Variants in DPYD observed in about 807,000 individuals in gnomAD.
DPYD encodes the protein dihydropyrimidine dehydrogenase [NADP(+)].
Under a neutral mutation model 116.2 loss-of-function variants are expected in DPYD, and 109 were observed. That is an observed-to-expected ratio of 0.94 (90% CI 0.80 to 1.10). The LOEUF (loss-of-function observed/expected upper bound fraction) is 1.10, where lower values mean the gene tolerates loss of function less well. DPYD is among the 50% of genes least tolerant of loss of function. The pLI, the probability that DPYD is intolerant of heterozygous loss-of-function variation, is 0.00. For missense variants in DPYD, 1,302 were observed against 1,254.5 expected, an observed-to-expected ratio of 1.04 and a Z score of -0.57; for synonymous variants, 440 against 432.0, an observed-to-expected ratio of 1.02 and a Z score of -0.23.
At position 97,284,165 on chromosome 1, in the gene DPYD, T is replaced by C. The variant is rs77486688; in HGVS notation, c.2299+21094A>G. Among the ~76,000 whole-genome samples the C allele has an allele frequency of 7.5e-3, 1,144 of 152,242 alleles. 13 individuals are homozygous for C. Among genetic ancestry groups the C allele is most frequent in the African/African-American group, 0.026 (1,100 of 41,544 alleles). On this transcript the variant is annotated intron_variant, in intron 18 of 22. Transcript: ENST00000370192. ...GAATGATACGTCACTTCTTTCATGTTACATGTGTCACACATAACTTTCACA... is the reference window on the plus strand; with the variant it reads ...GAATGATACGTCACTTCTTTCATGTCACATGTGTCACACATAACTTTCACA...
At chr1:97,625,528 C>T (rs995073646) in intron 8 of DPYD, among the ~76,000 whole-genome samples, 22 of 151,966 alleles carry the variant, frequency 1.4e-4, no homozygotes, top group African/African-American at 3.9e-4. Context: ...CCTGACAATG[C>T]ATCTGTATTT....
chr1:97,374,784 T>A (rs967479496), intron 15 of DPYD, among the ~76,000 whole-genome samples: 20 of 142,094 alleles, frequency 1.4e-4, no homozygotes, highest in Non-Finnish European at 1.9e-4. Context: ...GGCTCACAAC[T>A]GTAATCCTAG....
At chr1:97,414,287 C>G (rs1674170187) in intron 14 of DPYD, among the ~76,000 whole-genome samples, 1 of 152,042 alleles carries the variant, frequency 6.6e-6, no homozygotes, top group South Asian at 2.1e-4. Context: ...TGGTTATCAG[C>G]CTTGGTTGAG....
At chr1:97,289,856 T>A (rs151211747) in intron 18 of DPYD, among the ~76,000 whole-genome samples, 1 of 148,596 alleles carries the variant, frequency 6.7e-6, no homozygotes, top group Non-Finnish European at 1.5e-5. Context: ...GGCAGGAGAA[T>A]GAAATAAAGG....
chr1:97,498,823 T>G lies in DPYD; in HGVS notation c.1740+16903A>C, dbSNP rs1427838904. Among the ~76,000 whole-genome samples the G allele has an allele frequency of 2.6e-5, 4 of 151,674 alleles. No individual in the cohort carries two copies. In the East Asian group the frequency reaches 7.7e-4, roughly 29 times the overall value. ...TTTTTGTGATTAGAACATTAGAAAT[T>G]TATTCTTAGTGATAATGAACATACA... On this transcript the variant is annotated intron_variant, in intron 13 of 22. Coordinates refer to ENST00000370192, the MANE Select transcript of DPYD (RefSeq NM_000110.4).
At chr1:97,324,846 A>C (rs1035844744) in intron 16 of DPYD, among the ~76,000 whole-genome samples, 1 of 152,124 alleles carries the variant, frequency 6.6e-6, no homozygotes, top group Non-Finnish European at 1.5e-5. Context: ...GATTTCTACA[A>C]GATGGATATG....
intron 3 of DPYD, among the ~76,000 whole-genome samples, chr1:97,769,724 A>G (rs1303635374): frequency 6.6e-6 from 1 of 152,216 alleles, no homozygotes; most frequent in African/African-American, 2.4e-5. Context: ...AAAAATTTGC[A>G]AACATTATCT....
intron 16 of DPYD, among the ~76,000 whole-genome samples, chr1:97,333,997 G>A (rs1669162272): frequency 6.6e-6 from 1 of 152,146 alleles, no homozygotes; most frequent in Non-Finnish European, 1.5e-5. Flanking sequence ...TACGTTAATA[G>A]CATTATAAAC....
At chr1:97,736,884 G>GTA (rs1663981762) in intron 4 of DPYD, among the ~76,000 whole-genome samples, 1 of 150,508 alleles carries the variant, frequency 6.6e-6, no homozygotes, top group Admixed American at 6.6e-5. Flanking sequence ...GTGTGTGTGT[G>GTA]TGTAGGGCTT....
At chr1:97,491,446 T>C (rs922098472) in intron 13 of DPYD, among the ~76,000 whole-genome samples, 8 of 151,944 alleles carry the variant, frequency 5.3e-5, no homozygotes, top group African/African-American at 1.9e-4. Context: ...TTGTATATAC[T>C]ACGTAACCAT....
intron 16 of DPYD, among the ~76,000 whole-genome samples, chr1:97,326,999 C>A (rs1312268249): frequency 6.6e-6 from 1 of 151,946 alleles, no homozygotes. Context: ...TAAAATAAAT[C>A]AATTGTGGTT....
intron 5 of DPYD, among the ~76,000 whole-genome samples, chr1:97,705,761 G>A (rs1287140204): frequency 1.3e-5 from 2 of 152,092 alleles, no homozygotes. Context: ...CAGTGTAAAA[G>A]TGTTCCTATT....
rs532220724 is a variant in DPYD, at chr1:97,331,443, G to A, written c.2059-25146C>T. Among the ~76,000 whole-genome samples, 536 of 152,226 alleles carry A rather than the reference G, an allele frequency of 3.5e-3. 1 individual carries two copies. Among genetic ancestry groups the A allele is most frequent in the Non-Finnish European group, 5.0e-3 (337 of 68,014 alleles). On this transcript the variant is annotated intron_variant, in intron 16 of 22. Coordinates refer to ENST00000370192, the MANE Select transcript of DPYD (RefSeq NM_000110.4). ...TACAGTAAGCTATGGCTGTGCGACT[G>A]TACTACATCCTGGATGACAGAGCAA...
Position 97,326,412 on chromosome 1 carries a change from T to C in DPYD, c.2059-20115A>G, listed in dbSNP as rs79682211. On this transcript the variant is annotated intron_variant, in intron 16 of 22. Transcript: ENST00000370192. ...TTTGGAAACATAGATTTGAGAGTCA[T>C]TGGCATAACTCTCAAATTAAACTCT... Among the ~76,000 whole-genome samples, 759 of 152,024 alleles carry C rather than the reference T, an allele frequency of 5.0e-3. 11 individuals carry two copies. The highest frequency in any genetic ancestry group is 0.017 in the African/African-American group (708 of 41,526).
chr1:97,713,290 A>T (rs1662399631), intron 5 of DPYD, among the ~76,000 whole-genome samples: 2 of 152,106 alleles, frequency 1.3e-5, no homozygotes, highest in Admixed American at 1.3e-4. Flanking sequence ...TTGGCAACGA[A>T]ATAGTATAAA....
chr1:97,414,313 C>T (rs1467057065), intron 14 of DPYD, among the ~76,000 whole-genome samples: 1 of 152,148 alleles, frequency 6.6e-6, no homozygotes, highest in East Asian at 1.9e-4. Context: ...AATTTCCATT[C>T]AAGGACTCAC....
At chr1:97,576,795 C>T (rs1653291802) in intron 10 of DPYD, among the ~76,000 whole-genome samples, 1 of 152,164 alleles carries the variant, frequency 6.6e-6, no homozygotes, top group East Asian at 1.9e-4. Flanking sequence ...GGCATGAGCA[C>T]TGGACCCCAC....
At chr1:97,529,770 CTTCTTTCT>C (rs71071660) in intron 12 of DPYD, among the ~76,000 whole-genome samples, 1 of 119,454 alleles carries the variant, frequency 8.4e-6, no homozygotes, top group Non-Finnish European at 1.8e-5. Flanking sequence ...CTTTCTCTTT[CTTCTTTCT>C]TTCTCTTTTT....
chr1:97,129,433 C>T (rs1320088231), intron 20 of DPYD, among the ~76,000 whole-genome samples: 2 of 152,066 alleles, frequency 1.3e-5, no homozygotes, highest in African/African-American at 4.8e-5. Context: ...TCATATATTC[C>T]ATCTTGGTCT....
Sources: allele counts gnomAD v4.1 joint callset (sites outside exome capture counted in the v4.1 genomes callset), GRCh38; gene constraint gnomAD v4.1.1; transcripts MANE v1.5; gene names NCBI Gene and HGNC (gene_info 2026-07-23, HGNC 2026-07-21).